UVRAG: variants seen among roughly 807,000 people sequenced by gnomAD.
UVRAG encodes UV radiation resistance-associated gene protein.
UVRAG carries 19 observed loss-of-function variants against 78.0 expected under a neutral mutation model. The ratio of observed to expected loss-of-function variants is 0.24; its 90% CI spans 0.17 to 0.36. UVRAG has a LOEUF of 0.36. Ranked by LOEUF, UVRAG falls within the 10% of genes least tolerant of loss-of-function variation. The probability of loss-of-function intolerance (pLI) is 1.00; values close to 1 mark genes in which losing one functional copy is unlikely to be tolerated. For synonymous variants in UVRAG, 323 were observed against 324.6 expected (o/e 1.00, Z 0.05); for missense variants, 740 against 853.8 (o/e 0.87, Z 1.66).
intron 6 of UVRAG, chr11:75,934,866 T>A (rs1457647282): frequency 1.3e-5 from 2 of 152,196 alleles, no homozygotes; most frequent in African/African-American, 2.4e-5. Flanking sequence ...AATTTAGTGA[T>A]GCTACAGGCA....
At chr11:76,053,301 G>A (rs1950904658) in intron 12 of UVRAG, among the ~76,000 whole-genome samples, 2 of 129,178 alleles carry the variant, frequency 1.5e-5, no homozygotes, top group South Asian at 4.7e-4. Context: ...GTGAGACTCT[G>A]TCTCAAAACA....
At chr11:75,843,501 A>G (rs1032205909) in intron 1 of UVRAG, among the ~76,000 whole-genome samples, 6 of 152,194 alleles carry the variant, frequency 3.9e-5, no homozygotes, top group Non-Finnish European at 8.8e-5. Flanking sequence ...CATTTTAAGT[A>G]TAGTTTGATC....
intron 6 of UVRAG, among the ~76,000 whole-genome samples, chr11:75,941,749 C>A (rs1192362462): frequency 6.6e-6 from 1 of 152,054 alleles, no homozygotes; most frequent in African/African-American, 2.4e-5. Context: ...CAGATGAGTT[C>A]TCTGAAAAAC....
At position 76,117,466 on chromosome 11, in the gene UVRAG, C is replaced by T. The variant is rs368150430; in HGVS notation, c.1397+1451C>T. On this transcript the variant is annotated intron_variant, in intron 14 of 14. Transcript: ENST00000356136. ...TGTTCTGTTGCTTTATTTGGCTAGC[C>T]ATCGATTAGTATGACATTTTTAATT... 2.6e-5 allele frequency among the ~76,000 whole-genome samples: 4 copies of T among 152,178 alleles called. No homozygotes were observed. In the South Asian group the frequency reaches 8.3e-4, roughly 32 times the overall value.
At chr11:76,134,692 G>A (rs1193500572) in intron 14 of UVRAG, among the ~76,000 whole-genome samples, 2 of 152,198 alleles carry the variant, frequency 1.3e-5, no homozygotes, top group Non-Finnish European at 2.9e-5. Context: ...CTACTGAAAC[G>A]AATCATAATG....
At chr11:75,863,115 A>G (rs181293552) in intron 3 of UVRAG, among the ~76,000 whole-genome samples, 15 of 152,272 alleles carry the variant, frequency 9.9e-5, no homozygotes, top group Admixed American at 8.5e-4. Flanking sequence ...CCTCTTCATC[A>G]AGCTGTCTTT....
chr11:75,877,503 C>T (rs1353424995), intron 3 of UVRAG, among the ~76,000 whole-genome samples: 7 of 144,840 alleles, frequency 4.8e-5, no homozygotes, highest in Middle Eastern at 3.7e-3. Context: ...GCTGGCTGGG[C>T]GGGGGGTGAC....
intron 13 of UVRAG, among the ~76,000 whole-genome samples, chr11:76,082,472 G>A (rs1378564481): frequency 2.7e-5 from 4 of 149,240 alleles, no homozygotes; most frequent in Non-Finnish European, 5.9e-5. Flanking sequence ...CCCGGGAGGC[G>A]GAGCTTGCAG....
chr11:75,944,021 C>T (rs561386967), intron 6 of UVRAG, among the ~76,000 whole-genome samples: 1 of 152,268 alleles, frequency 6.6e-6, no homozygotes, highest in South Asian at 2.1e-4. Flanking sequence ...CATTTAAAGT[C>T]TATAGCACTG....
At chr11:76,105,432 G>A (rs569291490) in intron 13 of UVRAG, among the ~76,000 whole-genome samples, 1 of 151,928 alleles carries the variant, frequency 6.6e-6, no homozygotes, top group South Asian at 2.1e-4. Flanking sequence ...AATATTATTA[G>A]TCATTAGGAA....
At chr11:75,858,907 A>C (rs1190434456) in intron 2 of UVRAG, among the ~76,000 whole-genome samples, 1 of 152,226 alleles carries the variant, frequency 6.6e-6, no homozygotes, top group African/African-American at 2.4e-5. Context: ...AGGATGAGGC[A>C]CTTAAGCATT....
intron 3 of UVRAG, among the ~76,000 whole-genome samples, chr11:75,869,314 G>C (rs1012055459): frequency 2.6e-5 from 4 of 152,230 alleles, no homozygotes; most frequent in Non-Finnish European, 4.4e-5. Context: ...ATAAAGTTCT[G>C]TTGAGATTGT....
intron 5 of UVRAG, among the ~76,000 whole-genome samples, chr11:75,889,328 A>G (rs1353629766): frequency 6.6e-6 from 1 of 152,250 alleles, no homozygotes; most frequent in African/African-American, 2.4e-5. Flanking sequence ...TATTAGAGAA[A>G]GGAAAGGGAA....
At chr11:75,863,019 CAG>C in intron 3 of UVRAG, among the ~76,000 whole-genome samples, 1 of 152,326 alleles carries the variant, frequency 6.6e-6, no homozygotes, top group East Asian at 1.9e-4. Flanking sequence ...AGCTGGTACC[CAG>C]AGAGTTCCAA....
intron 8 of UVRAG, among the ~76,000 whole-genome samples, chr11:75,988,638 G>A (rs1949545802): frequency 1.3e-5 from 2 of 152,270 alleles, no homozygotes; most frequent in South Asian, 4.1e-4. Context: ...GATTGCTGGG[G>A]TATAGTAAAT....
chr11:75,851,777 A>C lies in UVRAG; in HGVS notation c.118-106A>C. The C allele has an allele frequency of 3.6e-6, 3 of 844,870 alleles. No homozygotes were observed. The South Asian group carries it at 4.9e-5, about 14-fold the overall frequency. The allele number at this position is 844,870 out of a possible 1,614,324, so 52.3% of individuals were successfully genotyped here. The stretch of plus-strand genomic sequence containing the variant: ...GTTATGGTTTCTGGCTCAATAAATA[A>C]ATGACTGAGACAACTTATTACATTT... On this transcript the variant is annotated intron_variant, in intron 1 of 14. Coordinates refer to ENST00000356136, the MANE Select transcript of UVRAG (RefSeq NM_003369.4).
In UVRAG at chr11:76,144,056, G is replaced by A. The variant is rs1952766673; in HGVS notation, c.*2643G>A. ...CTCAGAATATTAGTTTTGGAAGATT[G>A]TGCCCAGCTATATATTTTTTAGCAG... On this transcript the variant is annotated 3_prime_UTR_variant, in exon 15 of 15. Coordinates refer to ENST00000356136, the MANE Select transcript of UVRAG (RefSeq NM_003369.4). 6.6e-6 allele frequency among the ~76,000 whole-genome samples: 1 copy of A among 152,044 alleles called. No homozygotes were observed. Among genetic ancestry groups the A allele is most frequent in the Non-Finnish European group, 1.5e-5 (1 of 68,022 alleles).
At chr11:76,037,169 T>C (rs1285950691) in intron 12 of UVRAG, among the ~76,000 whole-genome samples, 1 of 152,058 alleles carries the variant, frequency 6.6e-6, no homozygotes, top group African/African-American at 2.4e-5. Flanking sequence ...ACAAAAGTTA[T>C]AGACAAATAT....
chr11:75,974,390 C>T (rs1342722752), intron 7 of UVRAG, among the ~76,000 whole-genome samples: 12 of 122,414 alleles, frequency 9.8e-5, no homozygotes, highest in South Asian at 2.8e-4. Context: ...GACGGAGTCT[C>T]GCTCTGTCGC....
Sources: gnomAD v4.1 joint callset for allele counts (sites outside exome capture counted in the v4.1 genomes callset) on GRCh38, gnomAD v4.1.1 for gene constraint, MANE v1.5 for transcripts, NCBI Gene and HGNC (gene_info 2026-07-23, HGNC 2026-07-21) for gene names.